Variants in PXT1 observed in about 807,000 individuals in gnomAD.
PXT1 encodes the protein peroxisomal testis-specific protein 1.
PXT1 carries 11 observed loss-of-function variants against 11.0 expected under a neutral mutation model. The ratio of observed to expected loss-of-function variants is 1.00; its 90% CI spans 0.63 to 1.66. The LOEUF is 1.66. Ranked by LOEUF, PXT1 falls within the 40% of genes most tolerant of loss-of-function variation. The pLI is 0.00. For synonymous variants in PXT1, 43 were observed against 51.4 expected (o/e 0.84, Z 0.70); for missense variants, 141 against 155.5 (o/e 0.91, Z 0.49).
At chr6:36,437,756 T>C (rs1207531494) in intron 2 of PXT1, among the ~76,000 whole-genome samples, 1 of 150,776 alleles carries the variant, frequency 6.6e-6, no homozygotes, top group Non-Finnish European at 1.5e-5. Flanking sequence ...GACCTTGTGA[T>C]CTGCCCTCCT....
chr6:36,423,373 C>A (rs957396396), intron 3 of PXT1, among the ~76,000 whole-genome samples: 3 of 152,258 alleles, frequency 2.0e-5, no homozygotes, highest in African/African-American at 7.2e-5. Context: ...CAGTGAGAAC[C>A]CCGCTCCCGC....
At chr6:36,438,993 AG>A (rs1774814565) in intron 1 of PXT1, 107 bp from the exon 2 acceptor site, 1 of 151,042 alleles carries the variant, frequency 6.6e-6, no homozygotes, top group Non-Finnish European at 1.5e-5. Flanking sequence ...GTGGTGGCTC[AG>A]TGGGTTATTG....
At chr6:36,399,552 G>C (rs541733659) in intron 4 of PXT1, among the ~76,000 whole-genome samples, 2 of 152,188 alleles carry the variant, frequency 1.3e-5, no homozygotes, top group African/African-American at 2.4e-5. Flanking sequence ...TTGGACCTGA[G>C]TATAAAAGAG....
At chr6:36,440,915 T>A (rs1774849572) in intron 1 of PXT1, among the ~76,000 whole-genome samples, 1 of 152,118 alleles carries the variant, frequency 6.6e-6, no homozygotes, top group Non-Finnish European at 1.5e-5. Flanking sequence ...GTTTAAAAAA[T>A]AATAATAAGA....
At chr6:36,407,347 T>G (rs911878363) in intron 3 of PXT1, among the ~76,000 whole-genome samples, 1 of 152,146 alleles carries the variant, frequency 6.6e-6, no homozygotes, top group African/African-American at 2.4e-5. Flanking sequence ...AGTTATATAT[T>G]GGAGGCAAAA....
At chr6:36,395,031 A>G (rs1365023659) in intron 4 of PXT1, among the ~76,000 whole-genome samples, 1 of 152,114 alleles carries the variant, frequency 6.6e-6, no homozygotes, top group Non-Finnish European at 1.5e-5. Context: ...AGAGAGAGAC[A>G]GGGGTCTCAC....
chr6:36,410,356 A>T (rs1774354636), intron 3 of PXT1, among the ~76,000 whole-genome samples: 1 of 151,950 alleles, frequency 6.6e-6, no homozygotes, highest in South Asian at 2.1e-4. Context: ...AGGCTGAGGC[A>T]GGAGAATCGC....
intron 4 of PXT1, among the ~76,000 whole-genome samples, chr6:36,399,672 G>A (rs1310003911): frequency 2.0e-5 from 3 of 152,256 alleles, no homozygotes; most frequent in East Asian, 3.9e-4. Flanking sequence ...GGCTCTGAGA[G>A]GTCTGCCACC....
rs569101768 is a variant in PXT1, at chr6:36,408,504, C to T, written c.170-7920G>A. Among the ~76,000 whole-genome samples, 3 of 151,736 alleles carry T rather than the reference C, an allele frequency of 2.0e-5. No homozygotes were observed. The South Asian group carries it at 6.3e-4, about 32-fold the overall frequency. Reference sequence around the variant, plus strand: ...AGAACTCCTGGCTCAAGTGATCCTCCCTCGTTAGCCTCTCAAAGTACTGAG... The same window carrying T: ...AGAACTCCTGGCTCAAGTGATCCTCTCTCGTTAGCCTCTCAAAGTACTGAG... On this transcript the variant is annotated intron_variant, in intron 3 of 4. Transcript: ENST00000454782.
Position 36,436,226 on chromosome 6 carries a change from TA to T in PXT1, c.-10+2540del, listed in dbSNP as rs879505632. Reference sequence around the variant, plus strand: ...TCCTGCAGGGCTTTAGATTTTGTCCTAAAAAAAAAGTGAGAAACTCTTTAAG... The same window carrying T: ...TCCTGCAGGGCTTTAGATTTTGTCCTAAAAAAAAGTGAGAAACTCTTTAAG... On this transcript the variant is annotated intron_variant, in intron 2 of 4. Coordinates refer to ENST00000454782, the MANE Select transcript of PXT1 (RefSeq NM_152990.4). Among the ~76,000 whole-genome samples, 1,002 of 149,604 alleles carry T rather than the reference TA, an allele frequency of 6.7e-3. 7 individuals are homozygous for T. Among genetic ancestry groups the T allele is most frequent in the African/African-American group, 0.023 (944 of 40,848 alleles).
chr6:36,436,112 C>CCAAAAAAAAAAAAAAAAAAAAAAGAAAA (rs1774759403), intron 2 of PXT1, among the ~76,000 whole-genome samples: 1 of 25,794 alleles, frequency 3.9e-5, no homozygotes, highest in Non-Finnish European at 9.7e-5. Context: ...AAAAAGTAAG[C>CCAAAAAAAAAAAAAAAAAAAAAAGAAAA]CAAAAAAAAA....
chr6:36,393,940 A>G lies in PXT1; in HGVS notation c.301-2066T>C, dbSNP rs868622814. On this transcript the variant is annotated intron_variant, in intron 4 of 4. Transcript: ENST00000454782. Reference sequence around the variant, plus strand: ...TAATATTGTCTCTTTGATCACTCCCATATCTCCGGTACTTAAACAGAGCCT... The same window carrying G: ...TAATATTGTCTCTTTGATCACTCCCGTATCTCCGGTACTTAAACAGAGCCT... 2.6e-5 allele frequency among the ~76,000 whole-genome samples: 4 copies of G among 152,314 alleles called. No individual in the cohort carries two copies. In the South Asian group the frequency reaches 8.3e-4, roughly 32 times the overall value.
Position 36,413,722 on chromosome 6 carries a change from C to T in PXT1, c.169+12192G>A, listed in dbSNP as rs548133471. Among the ~76,000 whole-genome samples, 3 of 152,262 alleles carry T rather than the reference C, an allele frequency of 2.0e-5. No individual in the cohort carries two copies. The South Asian group carries it at 6.2e-4, about 32-fold the overall frequency. Reference sequence around the variant, plus strand: ...ATAATATGTGAGAGGCGGGGCCAGGCACAGTGGCTCACGCCTGTAATCCCA... The same window carrying T: ...ATAATATGTGAGAGGCGGGGCCAGGTACAGTGGCTCACGCCTGTAATCCCA... On this transcript the variant is annotated intron_variant, in intron 3 of 4. Coordinates refer to ENST00000454782, the MANE Select transcript of PXT1 (RefSeq NM_152990.4).
chr6:36,414,359 T>C (rs534737331), intron 3 of PXT1, among the ~76,000 whole-genome samples: 2 of 152,064 alleles, frequency 1.3e-5, no homozygotes, highest in South Asian at 2.1e-4. Flanking sequence ...GAGGATGTAA[T>C]AATTACAAAT....
chr6:36,432,658 G>A (rs1237589453), intron 2 of PXT1, among the ~76,000 whole-genome samples: 2 of 152,166 alleles, frequency 1.3e-5, no homozygotes, highest in Non-Finnish European at 1.5e-5. Flanking sequence ...GAAATGTAGT[G>A]CTTCAAAAAG....
intron 4 of PXT1, among the ~76,000 whole-genome samples, chr6:36,396,252 A>G (rs1233561378): frequency 4.6e-5 from 7 of 152,226 alleles, no homozygotes; most frequent in African/African-American, 1.4e-4. Context: ...TGCAGCAGGA[A>G]GGTGCAGCTG....
At position 36,426,520 on chromosome 6, in the gene PXT1, G is replaced by A. The variant is rs1259118686; in HGVS notation, c.-9-429C>T. Among the ~76,000 whole-genome samples, 10 of 151,824 alleles carry A rather than the reference G, an allele frequency of 6.6e-5. No homozygotes were observed. In the East Asian group the frequency reaches 7.7e-4, roughly 12 times the overall value. On this transcript the variant is annotated intron_variant, in intron 2 of 4. Transcript: ENST00000454782. ...TGAGTAGCTGGGATCACAGGCATGC[G>A]CCACCACGCCTGGCTAATTTTGTAT...
intron 4 of PXT1, chr6:36,392,947 C>G (rs1774090508): frequency 6.6e-6 from 1 of 151,944 alleles, no homozygotes; most frequent in Non-Finnish European, 1.5e-5. Flanking sequence ...CCTACCTAAT[C>G]TGCCCACCAC....
At chr6:36,440,218 A>G (rs961205739) in intron 1 of PXT1, among the ~76,000 whole-genome samples, 1 of 152,254 alleles carries the variant, frequency 6.6e-6, no homozygotes, top group Non-Finnish European at 1.5e-5. Context: ...AGAAATGAGG[A>G]TTAGCTTTTT....
Sources: allele counts gnomAD v4.1 joint callset (sites outside exome capture counted in the v4.1 genomes callset), GRCh38; gene constraint gnomAD v4.1.1; transcripts MANE v1.5; gene names NCBI Gene and HGNC (gene_info 2026-07-23, HGNC 2026-07-21).